NOTCH1: variants seen among roughly 807,000 people sequenced by gnomAD.
NOTCH1 encodes the protein notch receptor 1, also known as neurogenic locus notch homolog protein 1.
In NOTCH1, 37 loss-of-function variants were observed where a neutral mutation model predicts 254.8. The ratio of observed to expected loss-of-function variants is 0.15; its 90% confidence interval spans 0.11 to 0.19. The LOEUF (loss-of-function observed/expected upper bound fraction) is 0.19, where lower values mean the gene tolerates loss of function less well. Among genes scored for constraint, NOTCH1 ranks in the 10% least tolerant of loss-of-function variants. NOTCH1 has a pLI of 1.00. For synonymous variants in NOTCH1, 1,731 were observed against 1,618.1 expected (o/e 1.07, Z -1.68); for missense variants, 2,972 against 3,708.6 (o/e 0.80, Z 5.16).
rs1371868585 is a variant in NOTCH1, at chr9:136,527,771, C to T, written c.141-3792G>A. Among the ~76,000 whole-genome samples the T allele has an allele frequency of 5.9e-5, 9 of 152,208 alleles. No homozygotes were observed. The South Asian group carries it at 6.2e-4, about 11-fold the overall frequency. On this transcript the variant is annotated intron_variant, in intron 2 of 33. Coordinates refer to ENST00000651671, the MANE Select transcript of NOTCH1 (RefSeq NM_017617.5). ...TCCCCCACGCTCAGTGGCCTGGCGG[C>T]GCTGGGGTAACCTGTCCTATCTGGG...
chr9:136,505,732 G>C lies in NOTCH1; in HGVS notation c.4164C>G (p.Ser1388Arg). 1 of 1,593,810 alleles carries C rather than the reference G, an allele frequency of 6.3e-7. No homozygotes were observed. The highest frequency in any genetic ancestry group is 8.6e-7 in the Non-Finnish European group (1 of 1,168,188). ...FTGPECQFPA[S>R]SPCLGGNPCY... ...AGGGGTTGCCGCCCAGGCAGGGGCTGCTGGCCGGGAACTGGCATTCGGGGC... is the reference window on the plus strand; with the variant it reads ...AGGGGTTGCCGCCCAGGCAGGGGCTCCTGGCCGGGAACTGGCATTCGGGGC... The change falls in exon 25 of 34, where the codon AGC becomes AGG. Residue 1388 changes from serine (S) to arginine (R), a missense_variant. Physicochemically the swap from Ser to Arg is moderately radical, Grantham distance 110. This residue lies in a region of NOTCH1 where 1,343 missense variants were observed against 1,557.0 expected (regional missense o/e 0.86). Transcript: ENST00000651671.
Position 136,497,056 on chromosome 9 carries a change from G to A in NOTCH1, c.6683C>T (p.Ser2228Phe). 1 of 1,609,710 alleles carries A rather than the reference G, an allele frequency of 6.2e-7. No homozygotes were observed. The highest frequency in any genetic ancestry group is 8.5e-7 in the Non-Finnish European group (1 of 1,178,248). ...LLPSPFQQSP[S>F]VPLNHLPGMP... is the part of the protein sequence containing the mutation. ...CCCAGGCAGGTGGTTGAGGGGCACG[G>A]ACGGAGACTGCTGGAACGGGGAGGG... The change falls in exon 34 of 34, where the codon TCC (serine) becomes TTC (phenylalanine). Residue 2228 changes from serine to phenylalanine, a missense_variant. Ser to Phe is a radical substitution (Grantham distance 155). Around this residue, in one of 8 missense-constraint regions of NOTCH1, gnomAD observed 529 missense variants for 529.2 expected, o/e 1.00. Transcript: ENST00000651671.
chr9:136,515,427 T>C (rs2133363005), intron 11 of NOTCH1, 27 bp from the exon 12 acceptor site: 1 of 1,612,280 alleles, frequency 6.2e-7, no homozygotes. Context: ...TGTCGGTCAG[T>C]CCTCAGGCCC....
chr9:136,513,299 T>C lies in NOTCH1; in HGVS notation c.2353+93A>G, dbSNP rs114517771. 3,487 of 1,580,320 alleles carry C rather than the reference T, an allele frequency of 2.2e-3. 53 individuals carry two copies. In the African/African-American group the frequency reaches 0.036, roughly 16 times the overall value. The stretch of plus-strand genomic sequence containing the variant: ...TGCCACGGGAGGGAGACACCATGCA[T>C]GGTGCTGGCTGGACCTGGGTCCCGA... On this transcript the variant is annotated intron_variant, in intron 14 of 33. Coordinates refer to ENST00000651671, the MANE Select transcript of NOTCH1 (RefSeq NM_017617.5). This position sits in a 1 kb window ranked among gnomAD's most constrained non-coding sequence, Gnocchi z 4.7.
chr9:136,521,582 G>A (rs1035256578), intron 4 of NOTCH1, among the ~76,000 whole-genome samples: 2 of 152,102 alleles, frequency 1.3e-5, no homozygotes, highest in Admixed American at 6.5e-5. Flanking sequence ...CCCTCAATCC[G>A]TGTGACTGGA....
At chr9:136,499,542 C>T (rs1486049397) in intron 31 of NOTCH1, among the ~76,000 whole-genome samples, 1 of 152,222 alleles carries the variant, frequency 6.6e-6, no homozygotes, top group East Asian at 1.9e-4. Flanking sequence ...GTCCTAGCTG[C>T]CATGACCACC....
chr9:136,518,651 C>T lies in NOTCH1; in HGVS notation c.1039G>A (p.Gly347Ser), dbSNP rs746187371. The T allele has an allele frequency of 1.1e-5, 17 of 1,611,486 alleles. No individual in the cohort carries two copies. The highest frequency in any genetic ancestry group is 5.0e-5 in the Admixed American group (3 of 59,904). ...DDCASAACFH[G>S]ATCHDRVASF... ...GCCACACGGTCATGGCAGGTGGCGC[C>T]GTGGAAGCAGGCGGCGCTGGCACAG... The change falls in exon 6 of 34, where the codon GGC becomes AGC. Residue 347 changes from glycine (G) to serine (S), a missense_variant. Gly to Ser is a moderately conservative substitution (Grantham distance 56). Transcript: ENST00000651671.
chr9:136,507,739 A>G (rs1425200282), intron 21 of NOTCH1, among the ~76,000 whole-genome samples: 1 of 152,214 alleles, frequency 6.6e-6, no homozygotes, highest in East Asian at 1.9e-4. Context: ...GGAAAACCCC[A>G]TCCCACTTCT....
In NOTCH1 at chr9:136,511,232, C is replaced by T. The variant is rs747068023; in HGVS notation, c.2507G>A (p.Ser836Asn). 1.9e-6 allele frequency: 3 copies of T among 1,612,592 alleles called. No homozygotes were observed. Among genetic ancestry groups the T allele is most frequent in the African/African-American group, 2.7e-5 (2 of 74,914 alleles). The change falls in exon 16 of 34, where the codon AGC (serine) becomes AAC (asparagine). Residue 836 changes from serine (S) to asparagine (N), a missense_variant. Around this residue, in one of 8 missense-constraint regions of NOTCH1, gnomAD observed 1,343 missense variants for 1,557.0 expected, o/e 0.86. Coordinates refer to ENST00000651671, the MANE Select transcript of NOTCH1 (RefSeq NM_017617.5). ...CEVVLAPCAP[S>N]PCRNGGECRQ... is the part of the protein sequence containing the mutation. ...GCACTCCCCGCCGTTTCTGCAGGGG[C>T]TGGGGGCACACGGGGCCAGCACCAC... is the stretch of plus-strand genomic sequence containing the variant.
intron 2 of NOTCH1, among the ~76,000 whole-genome samples, chr9:136,532,666 A>G (rs1230832549): frequency 6.6e-6 from 1 of 152,230 alleles, no homozygotes; most frequent in African/African-American, 2.4e-5. Context: ...CCCAGCCACG[A>G]GGACGGCAGC....
At chr9:136,527,142 A>T (rs1304733694) in intron 2 of NOTCH1, among the ~76,000 whole-genome samples, 1 of 152,200 alleles carries the variant, frequency 6.6e-6, no homozygotes, top group Non-Finnish European at 1.5e-5. Context: ...TGCTGTGGGC[A>T]GCCTCCAGCC....
At position 136,509,075 on chromosome 9, in the gene NOTCH1, C is replaced by A. The variant is rs2133349082; in HGVS notation, c.2970-4G>T. 6.4e-7 allele frequency: 1 copy of A among 1,554,896 alleles called. No individual in the cohort carries two copies. The highest frequency in any genetic ancestry group is 8.7e-7 in the Non-Finnish European group (1 of 1,150,090). ...GGTGCCACCGTTGAAGCAGGAGCTG[C>A]AAGGGGGTGGGCAGGCGGGGGCTGA... On this transcript the variant is annotated splice_polypyrimidine_tract_variant and splice_region_variant and intron_variant, in intron 18 of 33. Coordinates refer to ENST00000651671, the MANE Select transcript of NOTCH1 (RefSeq NM_017617.5).
rs757558283 is a variant in NOTCH1 at position 136,508,322 on chromosome 9, T to C, written c.3235A>G (p.Thr1079Ala). 3 of 1,612,900 alleles carry C rather than the reference T, an allele frequency of 1.9e-6. No homozygotes were observed. Among genetic ancestry groups the C allele is most frequent in the South Asian group, 2.2e-5 (2 of 91,076 alleles). The change falls in exon 20 of 34, where the codon ACC becomes GCC. Residue 1079 changes from threonine (T) to alanine (A), a missense_variant. Physicochemically the swap from Thr to Ala is moderately conservative, Grantham distance 58. Coordinates refer to ENST00000651671, the MANE Select transcript of NOTCH1 (RefSeq NM_017617.5). ...KNGGKCWQTH[T>A]QYRCECPSGW... ...CTGGGGCACTCGCAGCGGTACTGGG[T>C]GTGGGTCTGCCAGCATTTGCCGCCG...
At chr9:136,529,203 G>A (rs1437733327) in intron 2 of NOTCH1, among the ~76,000 whole-genome samples, 1 of 152,244 alleles carries the variant, frequency 6.6e-6, no homozygotes, top group Non-Finnish European at 1.5e-5. Flanking sequence ...AAGCAAATGG[G>A]GCCATATGTG....
intron 9 of NOTCH1, among the ~76,000 whole-genome samples, chr9:136,517,015 G>A (rs1423325530): frequency 2.7e-5 from 4 of 149,572 alleles, no homozygotes; most frequent in Non-Finnish European, 4.5e-5. Context: ...AGGGGCAGGG[G>A]ACACAATCCA....
In NOTCH1 at chr9:136,545,122, C is replaced by G. The variant is rs187761416; in HGVS notation, c.61+604G>C. 3.9e-5 allele frequency among the ~76,000 whole-genome samples: 6 copies of G among 152,098 alleles called. No individual in the cohort carries two copies. The highest frequency in any genetic ancestry group is 8.8e-5 in the Non-Finnish European group (6 of 67,982). On this transcript the variant is annotated intron_variant, in intron 1 of 33. Coordinates refer to ENST00000651671, the MANE Select transcript of NOTCH1 (RefSeq NM_017617.5). The surrounding 1 kb of genome is among the most constrained non-coding windows in gnomAD (Gnocchi z 6.8). Reference sequence around the variant, plus strand: ...CCGCAAAGCAAAAGGAAAGTTCAGTCCCCCCGGGCGCGGCGGCTTCTTACG... The same window carrying G: ...CCGCAAAGCAAAAGGAAAGTTCAGTGCCCCCGGGCGCGGCGGCTTCTTACG...
chr9:136,541,475 C>T (rs1416004951), intron 2 of NOTCH1, among the ~76,000 whole-genome samples: 1 of 152,196 alleles, frequency 6.6e-6, no homozygotes, highest in East Asian at 1.9e-4. Flanking sequence ...TACCACGGGG[C>T]CAGGATTCCC....
At chr9:136,509,548 G>A (rs1843144409) in intron 18 of NOTCH1, among the ~76,000 whole-genome samples, 185 bp downstream of exon 18, 1 of 152,218 alleles carries the variant, frequency 6.6e-6, no homozygotes, top group African/African-American at 2.4e-5. Context: ...GACACAGGAG[G>A]AGGTCACAAT....
chr9:136,497,060 G>A lies in NOTCH1; in HGVS notation c.6679C>T (p.Pro2227Ser), dbSNP rs757213098. 2 of 1,609,722 alleles carry A rather than the reference G, an allele frequency of 1.2e-6. No individual in the cohort carries two copies. Among genetic ancestry groups the A allele is most frequent in the Non-Finnish European group, 8.5e-7 (1 of 1,178,206 alleles). Reference sequence around the variant, plus strand: ...GGCAGGTGGTTGAGGGGCACGGACGGAGACTGCTGGAACGGGGAGGGCAGC... The same window carrying A: ...GGCAGGTGGTTGAGGGGCACGGACGAAGACTGCTGGAACGGGGAGGGCAGC... ...PLLPSPFQQS[P>S]SVPLNHLPGM... Residue 2227 changes from proline (P) to serine (S), a missense_variant, in exon 34 of 34, where the codon CCG becomes TCG. Pro to Ser is a moderately conservative substitution (Grantham distance 74). Coordinates refer to ENST00000651671, the MANE Select transcript of NOTCH1 (RefSeq NM_017617.5).
Sources: gnomAD v4.1 joint callset for allele counts (sites outside exome capture counted in the v4.1 genomes callset) on GRCh38, gnomAD v4.1.1 for gene constraint, gnomAD v4.1.1 regional missense constraint, Gnocchi (gnomAD v3.1) non-coding constraint, MANE v1.5 for transcripts, NCBI Gene and HGNC (gene_info 2026-07-23, HGNC 2026-07-21) for gene names.